The following CLSTN2 variants were observed in gnomAD, a reference collection of about 807,000 sequenced individuals.
CLSTN2 encodes the protein calsyntenin-2.
CLSTN2 carries 48 observed loss-of-function variants against 101.2 expected under a neutral mutation model. The ratio of observed to expected loss-of-function variants is 0.47; its 90% CI spans 0.38 to 0.60. The LOEUF is 0.60. CLSTN2 is among the 20% of genes least tolerant of loss of function. The pLI is 0.00. For missense variants in CLSTN2, 1,160 were observed against 1,238.2 expected (o/e 0.94, Z 0.95); for synonymous variants, 481 against 463.6 (o/e 1.04, Z -0.48).
intron 1 of CLSTN2, among the ~76,000 whole-genome samples, chr3:140,152,702 A>G (rs2009886703): frequency 6.6e-6 from 1 of 152,206 alleles, no homozygotes; most frequent in Non-Finnish European, 1.5e-5. Context: ...TCCAGTGGGA[A>G]TAAAGCTACT....
chr3:140,142,216 C>G (rs759787502), intron 1 of CLSTN2, among the ~76,000 whole-genome samples: 1 of 152,150 alleles, frequency 6.6e-6, no homozygotes, highest in Non-Finnish European at 1.5e-5. Flanking sequence ...TTGCTTCCTT[C>G]GTATTGATGC....
At chr3:140,215,119 TG>T (rs1480625660) in intron 2 of CLSTN2, among the ~76,000 whole-genome samples, 1 of 152,228 alleles carries the variant, frequency 6.6e-6, no homozygotes, top group Non-Finnish European at 1.5e-5. Context: ...GATGTATGAC[TG>T]GTAGGTTTTA....
At chr3:140,264,424 AT>A (rs2086678622) in intron 2 of CLSTN2, among the ~76,000 whole-genome samples, 1 of 108,612 alleles carries the variant, frequency 9.2e-6, no homozygotes, top group African/African-American at 3.1e-5. Flanking sequence ...ATATATATAT[AT>A]ATAAAATTAG....
chr3:140,412,009 A>ATTTGTT (rs1213477234), intron 4 of CLSTN2, among the ~76,000 whole-genome samples: 1 of 151,682 alleles, frequency 6.6e-6, no homozygotes. Context: ...CCACGGGGAG[A>ATTTGTT]TTTGTTTTTG....
intron 2 of CLSTN2, among the ~76,000 whole-genome samples, chr3:140,227,468 G>C (rs922398878): frequency 6.6e-6 from 1 of 152,160 alleles, no homozygotes; most frequent in Admixed American, 6.5e-5. Flanking sequence ...TGTCCTCATG[G>C]GCTGGCATTG....
intron 8 of CLSTN2, among the ~76,000 whole-genome samples, chr3:140,488,406 T>G (rs1934280076): frequency 6.6e-6 from 1 of 152,138 alleles, no homozygotes; most frequent in African/African-American, 2.4e-5. Context: ...TATCCTCATT[T>G]GTAAAATGAG....
chr3:140,539,269 C>T (rs1935421283), intron 9 of CLSTN2, among the ~76,000 whole-genome samples: 1 of 152,118 alleles, frequency 6.6e-6, no homozygotes, highest in Non-Finnish European at 1.5e-5. Context: ...GTATGTGGCT[C>T]ATGTTCTGGC....
intron 2 of CLSTN2, among the ~76,000 whole-genome samples, chr3:140,298,983 T>C (rs935627244): frequency 6.6e-6 from 1 of 152,110 alleles, no homozygotes; most frequent in Admixed American, 6.6e-5. Context: ...GGTGGACCTG[T>C]GGGGAGCATG....
At chr3:140,272,592 A>G (rs2086753133) in intron 2 of CLSTN2, among the ~76,000 whole-genome samples, 1 of 152,126 alleles carries the variant, frequency 6.6e-6, no homozygotes. Flanking sequence ...TGTACTAAAA[A>G]AATGCAAAAA....
chr3:140,177,828 T>C (rs1390334338), intron 2 of CLSTN2, among the ~76,000 whole-genome samples: 1 of 152,120 alleles, frequency 6.6e-6, no homozygotes, highest in Non-Finnish European at 1.5e-5. Flanking sequence ...AGATTTAGCA[T>C]AAAAATGCAG....
At chr3:140,313,042 A>C (rs1255052325) in intron 2 of CLSTN2, among the ~76,000 whole-genome samples, 1 of 152,202 alleles carries the variant, frequency 6.6e-6, no homozygotes, top group Non-Finnish European at 1.5e-5. Context: ...AGTTTAGGCA[A>C]TTATATTCAC....
chr3:140,386,352 C>A (rs2088051468), intron 2 of CLSTN2, among the ~76,000 whole-genome samples: 1 of 152,158 alleles, frequency 6.6e-6, no homozygotes, highest in Admixed American at 6.5e-5. Flanking sequence ...ATGCCAGGGT[C>A]CAGTGTTAGG....
At chr3:140,214,797 T>A (rs1046498307) in intron 2 of CLSTN2, among the ~76,000 whole-genome samples, 1 of 152,228 alleles carries the variant, frequency 6.6e-6, no homozygotes, top group African/African-American at 2.4e-5. Context: ...ACGGCATAAT[T>A]TAATGAAAGC....
intron 8 of CLSTN2, among the ~76,000 whole-genome samples, chr3:140,469,549 A>C (rs2108023082): frequency 1.3e-5 from 2 of 152,118 alleles, no homozygotes; most frequent in Middle Eastern, 3.4e-3. Flanking sequence ...ATCCTGGGTC[A>C]CCCCCATGGG....
At chr3:140,563,561 G>A (rs1364514554) in intron 15 of CLSTN2, among the ~76,000 whole-genome samples, 1 of 152,084 alleles carries the variant, frequency 6.6e-6, no homozygotes, top group Non-Finnish European at 1.5e-5. Context: ...ATTTCTATTT[G>A]AGCACTTGCC....
chr3:140,372,320 T>C (rs562533290), intron 2 of CLSTN2, among the ~76,000 whole-genome samples: 1 of 152,300 alleles, frequency 6.6e-6, no homozygotes, highest in Admixed American at 6.5e-5. Context: ...TGTCTGCAGT[T>C]CTCCCAAGCA....
chr3:140,368,235 T>G (rs188380956), intron 2 of CLSTN2, among the ~76,000 whole-genome samples: 1 of 152,274 alleles, frequency 6.6e-6, no homozygotes, highest in East Asian at 1.9e-4. Flanking sequence ...TGAATCTGTG[T>G]GCCCCCCAGA....
intron 10 of CLSTN2, among the ~76,000 whole-genome samples, chr3:140,552,145 G>C (rs1401724633): frequency 6.6e-6 from 1 of 152,060 alleles, no homozygotes; most frequent in Admixed American, 6.6e-5. Flanking sequence ...GCCTGCTGTG[G>C]GGCTGCAGAT....
chr3:140,451,129 G>C (rs943170332), intron 6 of CLSTN2, among the ~76,000 whole-genome samples: 3 of 152,148 alleles, frequency 2.0e-5, no homozygotes, highest in Non-Finnish European at 2.9e-5. Flanking sequence ...GGCCACTGTG[G>C]GTTAGTTAGC....
Sources: gnomAD v4.1 joint callset for allele counts (sites outside exome capture counted in the v4.1 genomes callset) on GRCh38, gnomAD v4.1.1 for gene constraint, MANE v1.5 for transcripts, NCBI Gene and HGNC (gene_info 2026-07-23, HGNC 2026-07-21) for gene names.